TCF4: variants seen among roughly 807,000 people sequenced by gnomAD.
TCF4 encodes the protein transcription factor 4.
In TCF4, 3 loss-of-function variants were observed where a neutral mutation model predicts 82.1. That is an observed-to-expected ratio of 0.04 (90% CI 0.02 to 0.09). The LOEUF (loss-of-function observed/expected upper bound fraction) is 0.09, where lower values mean the gene tolerates loss of function less well. Among genes scored for constraint, TCF4 ranks in the 10% least tolerant of loss-of-function variants. TCF4 has a pLI of 1.00. For synonymous variants in TCF4, 276 were observed against 309.6 expected (o/e 0.89, Z 1.14); for missense variants, 518 against 852.7 (o/e 0.61, Z 4.89).
At chr18:55,584,414 G>A (rs546000944) in intron 3 of TCF4, among the ~76,000 whole-genome samples, 16 of 152,032 alleles carry the variant, frequency 1.1e-4, no homozygotes, top group African/African-American at 3.1e-4. Flanking sequence ...CTTAAGCCAC[G>A]GACTTAAAGG....
At chr18:55,496,186 A>ACAGCTAACT (rs2096633714) in intron 3 of TCF4, 1 of 152,228 alleles carries the variant, frequency 6.6e-6, no homozygotes, top group Admixed American at 6.5e-5. Flanking sequence ...AAGTTTTCAT[A>ACAGCTAACT]CAGCTAACTC....
intron 3 of TCF4, among the ~76,000 whole-genome samples, chr18:55,529,344 G>A (rs575594241): frequency 2.0e-5 from 3 of 152,284 alleles, no homozygotes; most frequent in African/African-American, 7.2e-5. Flanking sequence ...AGCATCTCAT[G>A]AGTAAACAGT....
chr18:55,618,005 T>C (rs1374106767), intron 2 of TCF4, among the ~76,000 whole-genome samples: 1 of 152,074 alleles, frequency 6.6e-6, no homozygotes, highest in Non-Finnish European at 1.5e-5. Context: ...CTGGTAAGAG[T>C]GGGCATCCTT....
intron 8 of TCF4, among the ~76,000 whole-genome samples, chr18:55,341,181 T>C (rs759557724): frequency 2.0e-5 from 3 of 152,198 alleles, no homozygotes; most frequent in Admixed American, 1.3e-4. Context: ...CTAGGCAGCA[T>C]AGACAGCACT....
At chr18:55,279,691 G>A (rs560612855) in intron 8 of TCF4, 35 bp from the exon 9 acceptor site, 386 of 1,613,390 alleles carry the variant, frequency 2.4e-4, no homozygotes, top group Non-Finnish European at 3.0e-4. Flanking sequence ...TTTGCTTTTT[G>A]CATTGACCAC....
intron 6 of TCF4, among the ~76,000 whole-genome samples, chr18:55,382,753 T>A (rs1292748434): frequency 6.6e-6 from 1 of 152,250 alleles, no homozygotes; most frequent in Non-Finnish European, 1.5e-5. Flanking sequence ...ATGCTTTCTG[T>A]ATTTATTATT....
At chr18:55,348,150 T>C (rs1009507365) in intron 8 of TCF4, among the ~76,000 whole-genome samples, 3 of 152,184 alleles carry the variant, frequency 2.0e-5, no homozygotes, top group Non-Finnish European at 4.4e-5. Context: ...GATCTTGTTG[T>C]AAGTAATAAG....
Position 55,585,714 on chromosome 18 carries a change from T to C in TCF4, c.73-362A>G, listed in dbSNP as rs915168321. 63 of 1,088,856 alleles carry C rather than the reference T, an allele frequency of 5.8e-5. 1 individual carries two copies. Among genetic ancestry groups the C allele is most frequent in the Non-Finnish European group, 6.7e-5 (59 of 885,288 alleles). The allele number at this position is 1,088,856 out of a possible 1,614,324, so 67.4% of individuals were successfully genotyped here. Reference sequence around the variant, plus strand: ...AGAAGAAAAAAGTTGTTTTGTTTTATATTGAAAACCTTGGCCATAAACGTG... The same window carrying C: ...AGAAGAAAAAAGTTGTTTTGTTTTACATTGAAAACCTTGGCCATAAACGTG... On this transcript the variant is annotated intron_variant, in intron 2 of 19. Coordinates refer to ENST00000354452, the MANE Select transcript of TCF4 (RefSeq NM_001083962.2).
intron 2 of TCF4, among the ~76,000 whole-genome samples, chr18:55,602,345 G>A (rs1383676823): frequency 2.0e-5 from 3 of 152,166 alleles, no homozygotes; most frequent in African/African-American, 7.2e-5. Context: ...CCTGCCCTTG[G>A]CTAGGAGATG....
chr18:55,257,640 T>A, intron 13 of TCF4: 1 of 560,950 alleles, frequency 1.8e-6, no homozygotes, highest in Non-Finnish European at 3.2e-6. Context: ...GAACATTTAA[T>A]TGATTCTGAA....
At position 55,365,156 on chromosome 18, in the gene TCF4, A is replaced by AATATATATATAT. The variant is rs139574594; in HGVS notation, c.370-14165_370-14154dup. On this transcript the variant is annotated intron_variant, in intron 6 of 19. Transcript: ENST00000354452. ...CAACAGTGTGAGACTCCATCTCCAA[A>AATATATATATAT]ATATATATATATATATATATATATA... 7.8e-3 allele frequency among the ~76,000 whole-genome samples: 654 copies of AATATATATATAT among 83,416 alleles called. 1 individual carries two copies. The highest frequency in any genetic ancestry group is 0.01 in the East Asian group (31 of 3,046). 54.7% of individuals were successfully genotyped at this position (83,416 alleles called of 152,430 possible). A position where few individuals can be genotyped will look rare whatever the true frequency, so the allele number is the denominator to read the frequency against.
intron 1 of TCF4, 131 bp downstream of exon 1, chr18:55,587,907 T>C: frequency 1.3e-6 from 1 of 788,154 alleles, no homozygotes; most frequent in Non-Finnish European, 1.5e-6. Context: ...AAGGGGTGTC[T>C]CTTCTGGGAG....
intron 5 of TCF4, among the ~76,000 whole-genome samples, chr18:55,434,472 T>A (rs4801153): frequency 3.4e-5 from 5 of 144,928 alleles, no homozygotes; most frequent in Admixed American, 7.1e-5. Context: ...GAGGCTAGAG[T>A]GCAGTGGCGC....
At chr18:55,635,674 G>A in intron 1 of TCF4, 5 of 1,538,906 alleles carry the variant, frequency 3.2e-6, no homozygotes, top group African/African-American at 1.4e-5. Context: ...CTACTAAGAT[G>A]CTAAAGTAGC....
intron 5 of TCF4, among the ~76,000 whole-genome samples, chr18:55,449,474 G>A (rs571326494): frequency 9.5e-4 from 145 of 152,304 alleles, no homozygotes; most frequent in Non-Finnish European, 1.8e-3. Context: ...AGTTCTGAAG[G>A]AGACAGGGTC....
chr18:55,241,356 G>A (rs1020308166), intron 15 of TCF4, among the ~76,000 whole-genome samples: 3 of 152,206 alleles, frequency 2.0e-5, no homozygotes, highest in African/African-American at 2.4e-5. Context: ...CAGATTAACA[G>A]AGCCCATTCC....
chr18:55,292,315 G>A (rs1211845970), intron 8 of TCF4, among the ~76,000 whole-genome samples: 2 of 151,990 alleles, frequency 1.3e-5, no homozygotes, highest in Non-Finnish European at 2.9e-5. Flanking sequence ...TGTAAACTTT[G>A]CTAACTAAAT....
At chr18:55,517,268 C>T (rs777936912) in intron 3 of TCF4, among the ~76,000 whole-genome samples, 9 of 152,222 alleles carry the variant, frequency 5.9e-5, no homozygotes, top group Middle Eastern at 3.4e-3. Context: ...CTCTTTTGTG[C>T]GGCTGGGTGA....
intron 18 of TCF4, 85 bp downstream of exon 18, chr18:55,228,762 A>G: frequency 7.3e-7 from 1 of 1,369,802 alleles, no homozygotes; most frequent in Non-Finnish European, 1.0e-6. Context: ...ACTGTCTGCC[A>G]CTGCTCAAGA....
Sources: gnomAD v4.1 joint callset for allele counts (sites outside exome capture counted in the v4.1 genomes callset) on GRCh38, gnomAD v4.1.1 for gene constraint, MANE v1.5 for transcripts, NCBI Gene and HGNC (gene_info 2026-07-23, HGNC 2026-07-21) for gene names.